The following NRG1 variants were observed in gnomAD, a reference collection of about 807,000 sequenced individuals.
NRG1 encodes neuregulin 1.
A neutral mutation model predicts 63.8 loss-of-function variants in NRG1; 18 were observed. That is an observed-to-expected ratio of 0.28 (90% CI 0.19 to 0.42). NRG1 has a LOEUF of 0.42. Ranked by LOEUF, NRG1 falls within the 10% of genes least tolerant of loss-of-function variation. The pLI is 1.00. For synonymous variants in NRG1, 302 were observed against 301.3 expected, an observed-to-expected ratio of 1.00 and a Z score of -0.02; for missense variants, 762 against 814.7, an observed-to-expected ratio of 0.94 and a Z score of 0.79.
At chr8:31,731,918 G>A (rs919206825) in intron 1 of NRG1, among the ~76,000 whole-genome samples, 9 of 152,188 alleles carry the variant, frequency 5.9e-5, no homozygotes, top group African/African-American at 2.2e-4. Context: ...CTGGGATGAT[G>A]ATACCTCTGT....
intron 1 of NRG1, among the ~76,000 whole-genome samples, chr8:31,745,956 G>A (rs1198119293): frequency 1.3e-5 from 2 of 151,898 alleles, no homozygotes; most frequent in African/African-American, 4.8e-5. Flanking sequence ...TACCCAGCTT[G>A]GGGACAGGAC....
intron 1 of NRG1, among the ~76,000 whole-genome samples, chr8:31,656,417 G>A (rs2130912153): frequency 6.6e-6 from 1 of 152,322 alleles, no homozygotes; most frequent in African/African-American, 2.4e-5. Flanking sequence ...TTAGGACAGA[G>A]TTCTGGCCAA....
At chr8:32,231,660 G>A (rs961174628) in intron 1 of NRG1, among the ~76,000 whole-genome samples, 1 of 151,886 alleles carries the variant, frequency 6.6e-6, no homozygotes, top group African/African-American at 2.4e-5. Context: ...TAGCACTTTG[G>A]GAGACCAAGG....
At chr8:31,728,244 A>G (rs1813651881) in intron 1 of NRG1, among the ~76,000 whole-genome samples, 1 of 152,080 alleles carries the variant, frequency 6.6e-6, no homozygotes, top group African/African-American at 2.4e-5. Context: ...TGGGTGGATC[A>G]TCTGAGGTCA....
intron 1 of NRG1, among the ~76,000 whole-genome samples, chr8:32,419,641 A>G (rs1816422368): frequency 6.6e-6 from 1 of 152,198 alleles, no homozygotes; most frequent in Admixed American, 6.5e-5. Context: ...ATTTAAAACC[A>G]TTCTTTTTTT....
At position 32,742,107 on chromosome 8, in the gene NRG1, C is replaced by T; in HGVS notation, c.633-568C>T. The T allele has an allele frequency of 2.6e-6, 4 of 1,549,692 alleles. 1 individual carries two copies. Among genetic ancestry groups the T allele is most frequent in the East Asian group, 4.5e-5 (2 of 44,414 alleles). On this transcript the variant is annotated intron_variant, in intron 6 of 11. Transcript: ENST00000356819. The surrounding 1 kb of genome is among the most constrained non-coding windows in gnomAD (Gnocchi z 4.2). ...CAAAATAATCTGAAATTTGCTTTCT[C>T]CCCCAACTACAGCAACAATCACTAC...
intron 1 of NRG1, among the ~76,000 whole-genome samples, chr8:31,737,530 G>A (rs1262952154): frequency 2.6e-5 from 4 of 152,114 alleles, no homozygotes; most frequent in Admixed American, 1.3e-4. Flanking sequence ...GCCCAGGATA[G>A]AATATTTGGT....
chr8:31,908,594 C>T (rs914386432), intron 1 of NRG1, among the ~76,000 whole-genome samples: 11 of 152,080 alleles, frequency 7.2e-5, no homozygotes, highest in Admixed American at 2.0e-4. Flanking sequence ...CAAATCCTTG[C>T]CAGATTTTAA....
chr8:32,342,192 A>T (rs1804166163), intron 1 of NRG1, among the ~76,000 whole-genome samples: 1 of 152,212 alleles, frequency 6.6e-6, no homozygotes, highest in Admixed American at 6.5e-5. Context: ...TGGGCAGAAT[A>T]AAAAATGTCT....
chr8:31,993,181 G>T (rs779346492), intron 1 of NRG1, among the ~76,000 whole-genome samples: 14 of 151,990 alleles, frequency 9.2e-5, no homozygotes, highest in Non-Finnish European at 1.5e-5. Flanking sequence ...TAGGTTTAAT[G>T]AAATTAAAAT....
At chr8:31,760,941 C>T (rs1168491898) in intron 1 of NRG1, among the ~76,000 whole-genome samples, 3 of 152,036 alleles carry the variant, frequency 2.0e-5, no homozygotes, top group South Asian at 4.1e-4. Context: ...ACCCAGCCAT[C>T]CCATTACTGG....
chr8:31,852,860 A>G (rs1827399852), intron 1 of NRG1, among the ~76,000 whole-genome samples: 1 of 152,202 alleles, frequency 6.6e-6, no homozygotes, highest in Non-Finnish European at 1.5e-5. Flanking sequence ...CATTTATTAA[A>G]TAGAGAATCC....
At chr8:32,271,576 G>A (rs1322604013) in intron 1 of NRG1, among the ~76,000 whole-genome samples, 1 of 152,008 alleles carries the variant, frequency 6.6e-6, no homozygotes, top group African/African-American at 2.4e-5. Context: ...TGGACAAATG[G>A]TCCTTATTTT....
In NRG1 at chr8:32,130,057, G is replaced by A. The variant is rs1413054951; in HGVS notation, c.38-465771G>A. 3.3e-5 allele frequency among the ~76,000 whole-genome samples: 5 copies of A among 151,972 alleles called. No homozygotes were observed. In the East Asian group the frequency reaches 9.7e-4, roughly 29 times the overall value. ...ACTCTGAGGTTAGTAGTAGTTTTTA[G>A]TTGCCATTGAAAGACGGCAGTTTAA... On this transcript the variant is annotated intron_variant, in intron 1 of 10. Coordinates refer to the NRG1 transcript ENST00000519301.
At chr8:31,975,202 C>A (rs1433139469) in intron 1 of NRG1, among the ~76,000 whole-genome samples, 1 of 152,116 alleles carries the variant, frequency 6.6e-6, no homozygotes, top group Non-Finnish European at 1.5e-5. Flanking sequence ...ATATCATCCC[C>A]ACTTCAGAAA....
intron 1 of NRG1, among the ~76,000 whole-genome samples, chr8:31,852,864 A>T (rs199961538): frequency 6.6e-6 from 1 of 152,134 alleles, no homozygotes; most frequent in African/African-American, 2.4e-5. Context: ...TATTAAATAG[A>T]GAATCCTTTC....
intron 1 of NRG1, among the ~76,000 whole-genome samples, chr8:31,648,949 CT>C (rs1026753680): frequency 2.2e-5 from 3 of 133,376 alleles, no homozygotes; most frequent in African/African-American, 5.4e-5. Context: ...ATTCTTTTTT[CT>C]TTTTTTCTTT....
At chr8:31,828,072 TATC>T (rs1824747224) in intron 1 of NRG1, among the ~76,000 whole-genome samples, 2 of 152,218 alleles carry the variant, frequency 1.3e-5, no homozygotes, top group Admixed American at 1.3e-4. Flanking sequence ...CCACATATAT[TATC>T]ATAGTGTTAG....
chr8:32,710,380 C>T (rs1459104969), intron 5 of NRG1, among the ~76,000 whole-genome samples: 2 of 152,080 alleles, frequency 1.3e-5, no homozygotes, highest in African/African-American at 4.8e-5. Flanking sequence ...ATTAATTTTG[C>T]ATTGCGGTCA....
Sources: gnomAD v4.1 joint callset for allele counts (sites outside exome capture counted in the v4.1 genomes callset) on GRCh38, gnomAD v4.1.1 for gene constraint, Gnocchi (gnomAD v3.1) non-coding constraint, MANE v1.5 for transcripts, NCBI Gene and HGNC (gene_info 2026-07-23, HGNC 2026-07-21) for gene names.